SLC6A3: variants seen among roughly 807,000 people sequenced by gnomAD.
The protein encoded by SLC6A3 is sodium-dependent dopamine transporter.
In SLC6A3, 19 loss-of-function variants were observed where a neutral mutation model predicts 70.4. The ratio of observed to expected loss-of-function variants is 0.27; its 90% CI spans 0.19 to 0.40. The LOEUF is 0.40. SLC6A3 is among the 10% of genes least tolerant of loss of function. SLC6A3 has a pLI of 1.00. For missense variants in SLC6A3, 613 were observed against 838.5 expected (o/e 0.73, Z 3.32); for synonymous variants, 368 against 356.6 (o/e 1.03, Z -0.36).
intron 3 of SLC6A3, among the ~76,000 whole-genome samples, chr5:1,434,164 G>C (rs1293381882): frequency 6.6e-6 from 1 of 152,256 alleles, no homozygotes; most frequent in Non-Finnish European, 1.5e-5. Context: ...CACTACCCAT[G>C]CATGACCATC....
In SLC6A3 at chr5:1,405,919, C is replaced by G. The variant is rs781105635; in HGVS notation, c.1599+269G>C. On this transcript the variant is annotated intron_variant, in intron 12 of 14. Coordinates refer to ENST00000270349, the MANE Select transcript of SLC6A3 (RefSeq NM_001044.5). This position sits in a 1 kb window ranked among gnomAD's most constrained non-coding sequence, Gnocchi z 5.3. The stretch of plus-strand genomic sequence containing the variant: ...CCAGCTTCCCCTCCCAACACAGAGG[C>G]GCGGCCCAAGTGCAGGACTCACAAC... Among the ~76,000 whole-genome samples, 1 of 152,232 alleles carries G rather than the reference C, an allele frequency of 6.6e-6. No individual in the cohort carries two copies. The highest frequency in any genetic ancestry group is 1.5e-5 in the Non-Finnish European group (1 of 68,038).
chr5:1,425,708 C>A (rs1300146965), intron 4 of SLC6A3, among the ~76,000 whole-genome samples: 1 of 152,104 alleles, frequency 6.6e-6, no homozygotes, highest in Non-Finnish European at 1.5e-5. Flanking sequence ...ATGCTATCAA[C>A]AGAGTAAAAA....
chr5:1,403,348 T>TCCTCCCCTCC (rs1399934097), intron 12 of SLC6A3, among the ~76,000 whole-genome samples: 1 of 27,698 alleles, frequency 3.6e-5, no homozygotes, highest in Non-Finnish European at 6.7e-5. Context: ...CCATCACCTC[T>TCCTCCCCTCC]CCTCCCCTCC....
Position 1,401,087 on chromosome 5 carries a change from C to G in SLC6A3, c.1768-101G>C. On this transcript the variant is annotated intron_variant, in intron 13 of 14. Coordinates refer to ENST00000270349, the MANE Select transcript of SLC6A3 (RefSeq NM_001044.5). The surrounding 1 kb of genome is among the most constrained non-coding windows in gnomAD (Gnocchi z 6.1). ...CAGGACCCTCACCTACCAGCACCCTCACCACCAGCCCTCCTCACCTGCCAA... is the reference window on the plus strand; with the variant it reads ...CAGGACCCTCACCTACCAGCACCCTGACCACCAGCCCTCCTCACCTGCCAA... 1.1e-6 allele frequency: 1 copy of G among 875,504 alleles called. No individual in the cohort carries two copies. The allele number at this position is 875,504 out of a possible 1,614,324, so 54.2% of individuals were successfully genotyped here.
chr5:1,409,110 A>G lies in SLC6A3; in HGVS notation c.1414T>C (p.Phe472Leu), dbSNP rs780997322. The change falls in exon 11 of 15, where the codon TTC becomes CTC. Residue 472 changes from phenylalanine to leucine, a missense_variant. This residue lies in a region of SLC6A3 where 348 missense variants were observed against 481.2 expected (regional missense o/e 0.72). Coordinates refer to ENST00000270349, the MANE Select transcript of SLC6A3 (RefSeq NM_001044.5). ...FCVTNGGIYV[F>L]TLLDHFAAGT... ...GCTGCAAAATGGTCCAGGAGCGTGA[A>G]GACGTAGATGCCACCCTGGAAGAGA... is the stretch of plus-strand genomic sequence containing the variant. The G allele has an allele frequency of 6.2e-7, 1 of 1,611,330 alleles. No individual in the cohort carries two copies. The highest frequency in any genetic ancestry group is 8.5e-7 in the Non-Finnish European group (1 of 1,178,992).
intron 4 of SLC6A3, among the ~76,000 whole-genome samples, chr5:1,427,869 G>A (rs2126384539): frequency 6.6e-6 from 1 of 152,290 alleles, no homozygotes; most frequent in Admixed American, 6.5e-5. Context: ...TGATAGAAGT[G>A]AAAAGAAATA....
rs560356217 is a variant in SLC6A3, at chr5:1,406,108, G to C, written c.1599+80C>G. On this transcript the variant is annotated intron_variant, in intron 12 of 14. Coordinates refer to ENST00000270349, the MANE Select transcript of SLC6A3 (RefSeq NM_001044.5). This position sits in a 1 kb window ranked among gnomAD's most constrained non-coding sequence, Gnocchi z 8.8. ...CCAGCCACAGTGACAACCCACATGCGGGCGCTGGACCTCGGGGCAGGTGCC... is the reference window on the plus strand; with the variant it reads ...CCAGCCACAGTGACAACCCACATGCCGGCGCTGGACCTCGGGGCAGGTGCC... 1.1e-5 allele frequency: 11 copies of C among 999,246 alleles called. No homozygotes were observed. The South Asian group carries it at 1.1e-4, about 10-fold the overall frequency. 61.9% of individuals were successfully genotyped at this position (999,246 alleles called of 1,614,324 possible). A position where few individuals can be genotyped will look rare whatever the true frequency, so the allele number is the denominator to read the frequency against.
chr5:1,422,972 A>C (rs1294444263), intron 4 of SLC6A3, among the ~76,000 whole-genome samples: 1 of 63,752 alleles, frequency 1.6e-5, no homozygotes, highest in Non-Finnish European at 2.8e-5. Context: ...CGCTGCCCAC[A>C]GTGCTGCCCA....
At chr5:1,429,183 G>A (rs926566875) in intron 4 of SLC6A3, among the ~76,000 whole-genome samples, 2 of 152,170 alleles carry the variant, frequency 1.3e-5, no homozygotes, top group African/African-American at 2.4e-5. Flanking sequence ...ACCTGAGTAC[G>A]TTATGACTGT....
At chr5:1,422,360 G>GCTGCCCAGTGCTGCCCACGCTGCTGGGTA (rs1756458859) in intron 4 of SLC6A3, among the ~76,000 whole-genome samples, 1 of 148,690 alleles carries the variant, frequency 6.7e-6, no homozygotes, top group Admixed American at 6.7e-5. Context: ...AATGCTGGGT[G>GCTGCCCAGTGCTGCCCACGCTGCTGGGTA]CCCACCACTG....
Position 1,408,273 on chromosome 5 carries a change from A to G in SLC6A3, c.1498+753T>C, listed in dbSNP as rs1756033333. Among the ~76,000 whole-genome samples, 2 of 138,758 alleles carry G rather than the reference A, an allele frequency of 1.4e-5. No individual in the cohort carries two copies. Among genetic ancestry groups the G allele is most frequent in the South Asian group, 4.5e-4 (2 of 4,476 alleles). The allele number at this position is 138,758 out of a possible 152,430, so 91.0% of individuals were successfully genotyped here. On this transcript the variant is annotated intron_variant, in intron 11 of 14. Coordinates refer to ENST00000270349, the MANE Select transcript of SLC6A3 (RefSeq NM_001044.5). This position sits in a 1 kb window ranked among gnomAD's most constrained non-coding sequence, Gnocchi z 6.4. Reference sequence around the variant, plus strand: ...TGGCCAGGATGGTCTTGATCTCTTGATCTCGTGATCTGCCCACCTCGGCCT... The same window carrying G: ...TGGCCAGGATGGTCTTGATCTCTTGGTCTCGTGATCTGCCCACCTCGGCCT...
chr5:1,443,710 G>A (rs1419725110), intron 1 of SLC6A3, among the ~76,000 whole-genome samples: 2 of 151,352 alleles, frequency 1.3e-5, no homozygotes, highest in East Asian at 3.9e-4. Context: ...GTCTCGCTCT[G>A]TCACCCAGGA....
chr5:1,418,302 T>G (rs1231332670), intron 6 of SLC6A3, among the ~76,000 whole-genome samples: 1 of 152,170 alleles, frequency 6.6e-6, no homozygotes, highest in Non-Finnish European at 1.5e-5. Context: ...CCTCACCTCA[T>G]GCACTTTCAC....
At chr5:1,425,977 A>G (rs1411134371) in intron 4 of SLC6A3, among the ~76,000 whole-genome samples, 1 of 152,134 alleles carries the variant, frequency 6.6e-6, no homozygotes, top group East Asian at 1.9e-4. Flanking sequence ...ACCACTTCAC[A>G]CCCATTAGGA....
chr5:1,439,631 G>A (rs180893514), intron 3 of SLC6A3, among the ~76,000 whole-genome samples: 3 of 152,346 alleles, frequency 2.0e-5, no homozygotes, highest in Non-Finnish European at 2.9e-5. Flanking sequence ...CATTGGTAAT[G>A]CGTCCTGGGG....
At chr5:1,409,570 A>G (rs1756064204) in intron 10 of SLC6A3, 151 bp downstream of exon 10, 4 of 888,796 alleles carry the variant, frequency 4.5e-6, no homozygotes, top group Admixed American at 3.5e-5. Flanking sequence ...TACCCTGTGC[A>G]CTGCTACGAG....
At chr5:1,416,403 T>A (rs889762886) in intron 6 of SLC6A3, 39 of 621,322 alleles carry the variant, frequency 6.3e-5, no homozygotes, top group Non-Finnish European at 4.3e-5. Context: ...TGGAAGAGCC[T>A]GAGAAGCAGG....
intron 14 of SLC6A3, among the ~76,000 whole-genome samples, chr5:1,399,837 G>A (rs184697234): frequency 2.0e-5 from 3 of 152,266 alleles, no homozygotes; most frequent in Admixed American, 6.5e-5. Context: ...ACTGCCTCCC[G>A]GCCTGTTCCC....
chr5:1,422,387 G>C (rs408023), intron 4 of SLC6A3, among the ~76,000 whole-genome samples: 41,276 of 101,350 alleles, frequency 0.41, 8,026 homozygotes, highest in South Asian at 0.56. Flanking sequence ...GCTGCCCAAG[G>C]TGCTGGGTGC....
Sources: allele counts gnomAD v4.1 joint callset (sites outside exome capture counted in the v4.1 genomes callset), GRCh38; gene constraint gnomAD v4.1.1; regional missense constraint gnomAD v4.1.1; non-coding constraint Gnocchi (gnomAD v3.1); transcripts MANE v1.5; gene names NCBI Gene and HGNC (gene_info 2026-07-23, HGNC 2026-07-21).